Variants in SLCO1C1 observed in about 807,000 individuals in gnomAD.
SLCO1C1 encodes solute carrier organic anion transporter family member 1C1, also known as OAT-RP-5.
A neutral mutation model predicts 76.4 loss-of-function variants in SLCO1C1; 70 were observed. That is an observed-to-expected ratio of 0.92 (90% CI 0.76 to 1.12). SLCO1C1 has a LOEUF of 1.12. SLCO1C1 is among the 50% of genes most tolerant of loss of function. SLCO1C1 has a pLI of 0.00. For synonymous variants in SLCO1C1, 306 were observed against 286.1 expected, an observed-to-expected ratio of 1.07 and a Z score of -0.70; for missense variants, 912 against 823.8, an observed-to-expected ratio of 1.11 and a Z score of -1.31.
At chr12:20,737,711 G>T (rs1185082003) in intron 11 of SLCO1C1, among the ~76,000 whole-genome samples, 5 of 152,100 alleles carry the variant, frequency 3.3e-5, no homozygotes, top group African/African-American at 4.8e-5. Context: ...TGGGGTCAGG[G>T]ATCTGATAAT....
intron 13 of SLCO1C1, among the ~76,000 whole-genome samples, chr12:20,750,452 G>A (rs890445288): frequency 6.6e-6 from 1 of 152,140 alleles, no homozygotes. Flanking sequence ...AAGTGCCTGA[G>A]TGACATGCTT....
rs547950392 is a variant in SLCO1C1 at position 20,701,851 on chromosome 12, C to T, written c.271+392C>T. Among the ~76,000 whole-genome samples, 60 of 151,926 alleles carry T rather than the reference C, an allele frequency of 3.9e-4. 1 individual carries two copies. The highest frequency in any genetic ancestry group is 3.0e-3 in the Admixed American group (45 of 15,222). On this transcript the variant is annotated intron_variant, in intron 3 of 14. Coordinates refer to ENST00000266509, the MANE Select transcript of SLCO1C1 (RefSeq NM_017435.5). ...TTAGAGGTGTGGAATAATCCAAATGCGCTCTACAAGAATTTACTGCAATGA... is the reference window on the plus strand; with the variant it reads ...TTAGAGGTGTGGAATAATCCAAATGTGCTCTACAAGAATTTACTGCAATGA...
In SLCO1C1 at chr12:20,699,593, A is replaced by G. The variant is rs1161377320; in HGVS notation, c.17A>G (p.Lys6Arg). The G allele has an allele frequency of 6.2e-7, 1 of 1,611,414 alleles. No homozygotes were observed. The highest frequency in any genetic ancestry group is 8.5e-7 in the Non-Finnish European group (1 of 1,178,776). ...GTGTTTATAATGGACACTTCATCCAAAGAAAATATCCAGTTGTTCTGCAAA... is the reference window on the plus strand; with the variant it reads ...GTGTTTATAATGGACACTTCATCCAGAGAAAATATCCAGTTGTTCTGCAAA... Reference protein sequence around the residue: MDTSSKENIQLFCKTS... With the variant: MDTSSRENIQLFCKTS... Residue 6 changes from lysine (K) to arginine (R), a missense_variant, in exon 2 of 15, where the codon AAA becomes AGA. By Grantham distance (26) the Lys-to-Arg change is conservative. Coordinates refer to ENST00000266509, the MANE Select transcript of SLCO1C1 (RefSeq NM_017435.5).
rs958799696 is a variant in SLCO1C1, at chr12:20,740,270, T to C, written c.1635T>C (p.Asn545=). Residue 545 remains asparagine, a synonymous_variant, in exon 12 of 15, where the codon AAT becomes AAC. Transcript: ENST00000266509. The stretch of plus-strand genomic sequence containing the variant: ...TAGTGGGAAGATGTCAGAAAGACAA[T>C]GGATGTCCCCAAATGTTTCTGTATT... The part of the protein sequence containing the change: ...SGIVGRCQKD[N]GCPQMFLYFL... 12 of 1,613,856 alleles carry C rather than the reference T, an allele frequency of 7.4e-6. No homozygotes were observed. The highest frequency in any genetic ancestry group is 1.1e-5 in the South Asian group (1 of 91,074).
At chr12:20,743,053 C>T (rs1948892794) in intron 12 of SLCO1C1, among the ~76,000 whole-genome samples, 1 of 152,056 alleles carries the variant, frequency 6.6e-6, no homozygotes, top group African/African-American at 2.4e-5. Context: ...TTTACTAGCA[C>T]CATTTGAATA....
At position 20,740,388 on chromosome 12, in the gene SLCO1C1, A is replaced by C; in HGVS notation, c.1733+20A>C. ...TCTGAGGTGAGTACTGATTCTCCCT[A>C]TTCTAATTTTAACACAAGACACAAT... On this transcript the variant is annotated intron_variant, in intron 12 of 14. Coordinates refer to ENST00000266509, the MANE Select transcript of SLCO1C1 (RefSeq NM_017435.5). 6.3e-7 allele frequency: 1 copy of C among 1,585,436 alleles called. No individual in the cohort carries two copies. The highest frequency in any genetic ancestry group is 2.3e-5 in the East Asian group (1 of 43,880).
chr12:20,740,420 G>A (rs12368368), intron 12 of SLCO1C1, 52 bp downstream of exon 12: 3 of 1,500,888 alleles, frequency 2.0e-6, no homozygotes, highest in Non-Finnish European at 2.7e-6. Flanking sequence ...CAATCATCTC[G>A]AGCAATGATT....
At position 20,721,870 on chromosome 12, in the gene SLCO1C1, C is replaced by G; in HGVS notation, c.842C>G (p.Ala281Gly). 6.2e-7 allele frequency: 1 copy of G among 1,614,116 alleles called. No homozygotes were observed. The highest frequency in any genetic ancestry group is 8.5e-7 in the Non-Finnish European group (1 of 1,180,002). Residue 281 changes from alanine to glycine, a missense_variant, in exon 8 of 15, where the codon GCA (alanine) becomes GGA (glycine). Physicochemically the swap from Ala to Gly is moderately conservative, Grantham distance 60 (BLOSUM62 0). Transcript: ENST00000266509. The stretch of plus-strand genomic sequence containing the variant: ...GCCTGGTGGCTTGGCTATCTAATAG[C>G]AGGAATCATAAGTCTTCTTGCAGCT... ...VGAWWLGYLI[A>G]GIISLLAAVP...
At chr12:20,747,452 G>A (rs1188500077) in intron 13 of SLCO1C1, among the ~76,000 whole-genome samples, 1 of 151,998 alleles carries the variant, frequency 6.6e-6, no homozygotes, top group Non-Finnish European at 1.5e-5. Context: ...GTTCAGAATG[G>A]GGAGAGAGAT....
intron 10 of SLCO1C1, among the ~76,000 whole-genome samples, chr12:20,735,120 TA>T (rs1376250786): frequency 1.5e-4 from 23 of 152,360 alleles, no homozygotes; most frequent in African/African-American, 5.5e-4. Flanking sequence ...CTTTCAATAC[TA>T]TAAAGTATTT....
At chr12:20,698,543 G>C (rs1413047823) in intron 1 of SLCO1C1, among the ~76,000 whole-genome samples, 6 of 152,028 alleles carry the variant, frequency 3.9e-5, no homozygotes, top group African/African-American at 1.4e-4. Flanking sequence ...ATGAGGTTTA[G>C]TGAACACAAA....
rs368464430 is a variant in SLCO1C1, at chr12:20,743,155, C to T, written c.1734-150C>T. Reference sequence around the variant, plus strand: ...TGGAATGTGGCTTTTACGTATTTTGCCCTCCCTATGTTAGCACACCAATGG... The same window carrying T: ...TGGAATGTGGCTTTTACGTATTTTGTCCTCCCTATGTTAGCACACCAATGG... On this transcript the variant is annotated intron_variant, in intron 12 of 14. Coordinates refer to ENST00000266509, the MANE Select transcript of SLCO1C1 (RefSeq NM_017435.5). 590 of 569,720 alleles carry T rather than the reference C, an allele frequency of 1.0e-3. 3 individuals carry two copies. The highest frequency in any genetic ancestry group is 7.1e-3 in the South Asian group (227 of 32,148). 35.3% of individuals were successfully genotyped at this position (569,720 alleles called of 1,614,324 possible).
At position 20,740,272 on chromosome 12, in the gene SLCO1C1, G is replaced by T; in HGVS notation, c.1637G>T (p.Gly546Val). 1 of 1,613,888 alleles carries T rather than the reference G, an allele frequency of 6.2e-7. No individual in the cohort carries two copies. The highest frequency in any genetic ancestry group is 8.5e-7 in the Non-Finnish European group (1 of 1,179,926). Residue 546 changes from glycine (G) to valine (V), a missense_variant, in exon 12 of 15, where the codon GGA (glycine) becomes GTA (valine). Coordinates refer to ENST00000266509, the MANE Select transcript of SLCO1C1 (RefSeq NM_017435.5). ...GTGGGAAGATGTCAGAAAGACAATG[G>T]ATGTCCCCAAATGTTTCTGTATTTC... ...GIVGRCQKDN[G>V]CPQMFLYFLV...
intron 13 of SLCO1C1, 63 bp from the exon 14 acceptor site, chr12:20,750,612 A>C: frequency 6.9e-7 from 1 of 1,458,038 alleles, no homozygotes. Context: ...GGTTTCAGAT[A>C]ATCGTTCATA....
Position 20,752,416 on chromosome 12 carries a change from T to C in SLCO1C1, c.2027T>C (p.Ile676Thr), listed in dbSNP as rs1435886160. 2 of 1,613,398 alleles carry C rather than the reference T, an allele frequency of 1.2e-6. No homozygotes were observed. The highest frequency in any genetic ancestry group is 1.3e-5 in the African/African-American group (1 of 74,912). The change falls in exon 15 of 15, where the codon ATA becomes ACA. Residue 676 changes from isoleucine (I) to threonine (T), a missense_variant. By Grantham distance (89) the Ile-to-Thr change is moderately conservative. Transcript: ENST00000266509. ...TATGTTTCAAAACACAGAAGTTTTA[T>C]AACCAAGAGAGAAAGAACAATGGTG... ...KNYVSKHRSFITKRERTMVST... is the reference protein window; with the variant it reads ...KNYVSKHRSFTTKRERTMVST...
intron 5 of SLCO1C1, among the ~76,000 whole-genome samples, chr12:20,712,134 C>T (rs1947140280): frequency 6.6e-6 from 1 of 152,130 alleles, no homozygotes; most frequent in South Asian, 2.1e-4. Flanking sequence ...CTCACAGCAG[C>T]TCTCTCCAGT....
Position 20,699,628 on chromosome 12 carries a change from C to A in SLCO1C1, c.52C>A (p.Gln18Lys). The A allele has an allele frequency of 1.2e-6, 2 of 1,612,460 alleles. No homozygotes were observed. Among genetic ancestry groups the A allele is most frequent in the Non-Finnish European group, 1.7e-6 (2 of 1,179,116 alleles). ...NIQLFCKTSV[Q>K]PVGRPSFKTE... ...CCAGTTGTTCTGCAAAACTTCAGTG[C>A]AACCTGTTGGAAGGCCTTCTTTTAA... The change falls in exon 2 of 15, where the codon CAA becomes AAA. Residue 18 changes from glutamine to lysine, a missense_variant. Transcript: ENST00000266509.
At chr12:20,748,103 A>G (rs1029508996) in intron 13 of SLCO1C1, among the ~76,000 whole-genome samples, 1 of 152,202 alleles carries the variant, frequency 6.6e-6, no homozygotes, top group Non-Finnish European at 1.5e-5. Flanking sequence ...TACTGCTTAA[A>G]TTCTTTAAAT....
At chr12:20,724,721 T>C (rs1262656776) in intron 9 of SLCO1C1, among the ~76,000 whole-genome samples, 2 of 148,342 alleles carry the variant, frequency 1.3e-5, no homozygotes, top group Non-Finnish European at 3.0e-5. Flanking sequence ...AGTGGTACAT[T>C]CTTTTTCATG....
Sources: allele counts gnomAD v4.1 joint callset (sites outside exome capture counted in the v4.1 genomes callset), GRCh38; gene constraint gnomAD v4.1.1; transcripts MANE v1.5; gene names NCBI Gene and HGNC (gene_info 2026-07-23, HGNC 2026-07-21).